GRIA1: variants seen among roughly 807,000 people sequenced by gnomAD.
The protein encoded by GRIA1 is glutamate ionotropic receptor AMPA type subunit 1.
GRIA1 carries 31 observed loss-of-function variants against 99.2 expected under a neutral mutation model. The observed-to-expected ratio is 0.31, with a 90% confidence interval of 0.23 to 0.42. The LOEUF is 0.42. Ranked by LOEUF, GRIA1 falls within the 10% of genes least tolerant of loss-of-function variation. The pLI is 1.00. For missense variants in GRIA1, 782 were observed against 1,157.5 expected (o/e 0.68, Z 4.71); for synonymous variants, 438 against 432.4 (o/e 1.01, Z -0.16).
chr5:153,764,234 C>A (rs1763365576), intron 11 of GRIA1, among the ~76,000 whole-genome samples, 200 bp from the exon 12 acceptor site: 1 of 152,202 alleles, frequency 6.6e-6, no homozygotes, highest in Admixed American at 6.5e-5. Flanking sequence ...AGCAACCCCA[C>A]AGATCCATGT....
chr5:153,587,843 T>C (rs537005399), intron 2 of GRIA1, among the ~76,000 whole-genome samples: 1 of 152,112 alleles, frequency 6.6e-6, no homozygotes, highest in African/African-American at 2.4e-5. Flanking sequence ...GGGCAAGCAG[T>C]TGTAAATCAA....
chr5:153,720,628 A>G (rs942131872), intron 11 of GRIA1, among the ~76,000 whole-genome samples: 1 of 152,182 alleles, frequency 6.6e-6, no homozygotes, highest in African/African-American at 2.4e-5. Flanking sequence ...AACAGAATGA[A>G]TGGGTCATGG....
intron 2 of GRIA1, among the ~76,000 whole-genome samples, chr5:153,599,715 A>G (rs905668542): frequency 1.3e-5 from 2 of 152,196 alleles, no homozygotes; most frequent in African/African-American, 4.8e-5. Flanking sequence ...AAATTATTTG[A>G]GAGTGGTGCA....
chr5:153,650,256 G>A (rs1754457318), intron 3 of GRIA1, 74 bp from the exon 4 acceptor site: 2 of 1,339,628 alleles, frequency 1.5e-6, no homozygotes, highest in Non-Finnish European at 2.1e-6. Context: ...GGGGAGGTAG[G>A]TGCCTGATGG....
chr5:153,749,144 G>T (rs1250581658), intron 11 of GRIA1, among the ~76,000 whole-genome samples: 1 of 152,072 alleles, frequency 6.6e-6, no homozygotes, highest in Admixed American at 6.6e-5. Flanking sequence ...GAGAGAGTGG[G>T]GCCTAGGAGC....
intron 13 of GRIA1, among the ~76,000 whole-genome samples, chr5:153,787,809 C>A (rs1051903809): frequency 1.1e-4 from 17 of 152,092 alleles, no homozygotes; most frequent in African/African-American, 3.9e-4. Flanking sequence ...GGACATCTAA[C>A]AGGCATCTTA....
chr5:153,761,682 A>T (rs1763190350), intron 11 of GRIA1, among the ~76,000 whole-genome samples: 2 of 152,206 alleles, frequency 1.3e-5, no homozygotes, highest in South Asian at 4.1e-4. Context: ...TACAAAGGAA[A>T]TTAAATCAGT....
intron 7 of GRIA1, among the ~76,000 whole-genome samples, chr5:153,678,441 C>T (rs1386305906): frequency 1.3e-5 from 2 of 152,140 alleles, no homozygotes; most frequent in African/African-American, 2.4e-5. Flanking sequence ...TAAGGAGGAC[C>T]TCCAGCTGCC....
intron 2 of GRIA1, among the ~76,000 whole-genome samples, chr5:153,579,005 T>C (rs201534015): frequency 1.3e-5 from 2 of 152,086 alleles, no homozygotes; most frequent in South Asian, 4.2e-4. Context: ...AAACTACTGA[T>C]TGTCCTTCCA....
At chr5:153,499,756 A>G (rs956520772) in intron 2 of GRIA1, among the ~76,000 whole-genome samples, 2 of 152,124 alleles carry the variant, frequency 1.3e-5, no homozygotes, top group Non-Finnish European at 2.9e-5. Flanking sequence ...GGCAGAAGCT[A>G]TGACTGTGGA....
chr5:153,611,095 C>T (rs114306605), intron 2 of GRIA1, among the ~76,000 whole-genome samples: 325 of 152,220 alleles, frequency 2.1e-3, no homozygotes, highest in African/African-American at 7.2e-3. Context: ...CACAGAGATT[C>T]TGATTTAGTA....
chr5:153,515,304 A>G (rs1756505442), intron 2 of GRIA1, among the ~76,000 whole-genome samples: 1 of 152,238 alleles, frequency 6.6e-6, no homozygotes, highest in Non-Finnish European at 1.5e-5. Context: ...TTAAAAAAAG[A>G]AGAAAATTCT....
intron 5 of GRIA1, among the ~76,000 whole-genome samples, chr5:153,657,199 C>A (rs1755021622): frequency 1.3e-5 from 2 of 152,206 alleles, no homozygotes; most frequent in Middle Eastern, 3.4e-3. Flanking sequence ...TTAATATATA[C>A]CTAGGCATGG....
At chr5:153,593,864 T>G (rs1167392384) in intron 2 of GRIA1, among the ~76,000 whole-genome samples, 1 of 152,196 alleles carries the variant, frequency 6.6e-6, no homozygotes, top group Non-Finnish European at 1.5e-5. Context: ...CCAGTTATGC[T>G]CTCATTTTGG....
chr5:153,633,588 G>T (rs1753128809), intron 2 of GRIA1, among the ~76,000 whole-genome samples: 1 of 152,184 alleles, frequency 6.6e-6, no homozygotes, highest in Non-Finnish European at 1.5e-5. Flanking sequence ...GGGCTGGGCA[G>T]CATGTGCTCT....
chr5:153,600,833 G>C (rs561834575), intron 2 of GRIA1, among the ~76,000 whole-genome samples: 1 of 152,338 alleles, frequency 6.6e-6, no homozygotes, highest in African/African-American at 2.4e-5. Context: ...AAAGACCTGG[G>C]AGGTGAAGCC....
intron 2 of GRIA1, among the ~76,000 whole-genome samples, chr5:153,539,838 G>A (rs1424231450): frequency 6.6e-6 from 1 of 152,178 alleles, no homozygotes; most frequent in African/African-American, 2.4e-5. Context: ...ATAAACTGAA[G>A]AGTAGAACTG....
At chr5:153,692,307 GTTGA>G (rs1226891979) in intron 8 of GRIA1, among the ~76,000 whole-genome samples, 1 of 152,086 alleles carries the variant, frequency 6.6e-6, no homozygotes, top group Non-Finnish European at 1.5e-5. Context: ...ATTTTTATTG[GTTGA>G]TTGATCTAGA....
intron 10 of GRIA1, among the ~76,000 whole-genome samples, chr5:153,701,642 A>AAAAAAAAAAAAAAAAAAAAAAAAAAAAC (rs1758535394): frequency 6.7e-6 from 1 of 149,172 alleles, no homozygotes; most frequent in Non-Finnish European, 1.5e-5. Context: ...AAAAAAAAAA[A>AAAAAAAAAAAAAAAAAAAAAAAAAAAAC]TACTATGTTC....
Sources: gnomAD v4.1 joint callset for allele counts (sites outside exome capture counted in the v4.1 genomes callset) on GRCh38, gnomAD v4.1.1 for gene constraint, MANE v1.5 for transcripts, NCBI Gene and HGNC (gene_info 2026-07-23, HGNC 2026-07-21) for gene names.